The following PASK variants were observed in gnomAD, a reference collection of about 807,000 sequenced individuals.
The protein encoded by PASK is PAS domain containing serine/threonine kinase, also known as PAS domain-containing serine/threonine-protein kinase.
A neutral mutation model predicts 121.0 loss-of-function variants in PASK; 110 were observed. The observed-to-expected ratio is 0.91, with a 90% CI of 0.78 to 1.06. The LOEUF is 1.06. PASK is among the 50% of genes least tolerant of loss of function. The pLI, the probability that PASK is intolerant of heterozygous loss-of-function variation, is 0.00. For missense variants in PASK, 1,643 were observed against 1,702.3 expected, an observed-to-expected ratio of 0.97 and a Z score of 0.61; for synonymous variants, 686 against 717.8, an observed-to-expected ratio of 0.96 and a Z score of 0.71.
chr2:241,140,535 C>G lies in PASK; in HGVS notation c.415G>C (p.Ala139Pro). ...NPNKAIFTVD[A>P]KTTEILVAND... The stretch of plus-strand genomic sequence containing the variant: ...GAAGCAAATACCTCTGTGGTCTTGG[C>G]ATCCACCGTGAAGATGGCCTTGTTA... Residue 139 changes from alanine to proline, a missense_variant, in exon 3 of 18, where the codon GCC becomes CCC. Transcript: ENST00000234040. The G allele has an allele frequency of 6.2e-7, 1 of 1,610,620 alleles. No homozygotes were observed. The highest frequency in any genetic ancestry group is 8.5e-7 in the Non-Finnish European group (1 of 1,177,190).
intron 11 of PASK, among the ~76,000 whole-genome samples, chr2:241,123,283 C>T (rs939885598): frequency 6.6e-5 from 10 of 151,332 alleles, no homozygotes; most frequent in Non-Finnish European, 8.8e-5. Flanking sequence ...TCACGCCATT[C>T]TCCTGCCTCA....
Position 241,106,633 on chromosome 2 carries a change from A to T in PASK, c.3905T>A (p.Val1302Asp), listed in dbSNP as rs749109586. The T allele has an allele frequency of 2.5e-6, 4 of 1,613,994 alleles. No homozygotes were observed. Among genetic ancestry groups the T allele is most frequent in the Admixed American group, 1.7e-5 (1 of 60,006 alleles). ...AQAQELCGGP[V>D]PGEAPNGQGC... is the part of the protein sequence containing the mutation. ...TTGGCCATTAGGAGCCTCGCCTGGA[A>T]CGGGGCCCCCACAAAGCTCCTGAGC... Residue 1302 changes from valine to aspartate, a missense_variant, in exon 18 of 18, where the codon GTT becomes GAT. Val to Asp is a radical substitution (Grantham distance 152). This residue lies in a region of PASK where 453 missense variants were observed against 511.2 expected (regional missense o/e 0.89). Coordinates refer to ENST00000234040, the MANE Select transcript of PASK (RefSeq NM_015148.4).
In PASK at chr2:241,132,876, T is replaced by A; in HGVS notation, c.1461A>T (p.Pro487=). 6.2e-7 allele frequency: 1 copy of A among 1,613,718 alleles called. No homozygotes were observed. The highest frequency in any genetic ancestry group is 8.5e-7 in the Non-Finnish European group (1 of 1,179,604). Residue 487 remains proline, a splice_region_variant and synonymous_variant, in exon 9 of 18, where the codon CCA becomes CCT. Transcript: ENST00000234040. ...CAACCTCCCACCAAGGGACTTACCC[T>A]GGAGCAGGCTGAGGTGAGAGGCAGG... ...LLSCLSPQPA[P]GVDNVPEGSL...
Position 241,111,774 on chromosome 2 carries a change from G to A in PASK, c.3533+466C>T, listed in dbSNP as rs115614616. Among the ~76,000 whole-genome samples, 902 of 152,300 alleles carry A rather than the reference G, an allele frequency of 5.9e-3. 9 individuals carry two copies. Among genetic ancestry groups the A allele is most frequent in the African/African-American group, 0.02 (840 of 41,548 alleles). ...GTGACATGGAGTCTGGCTGGTCAGC[G>A]ACAGCCCCTCCAGCCAAGGGCTCCA... On this transcript the variant is annotated intron_variant, in intron 15 of 17. Coordinates refer to ENST00000234040, the MANE Select transcript of PASK (RefSeq NM_015148.4).
In PASK at chr2:241,138,098, A is replaced by T; in HGVS notation, c.742-11T>A. On this transcript the variant is annotated splice_polypyrimidine_tract_variant and intron_variant, in intron 5 of 17. Coordinates refer to ENST00000234040, the MANE Select transcript of PASK (RefSeq NM_015148.4). ...TGACGTGACGGTGCCCTGGAGGAAA[A>T]GCCCCGTGCTTATCATAAAAGCTTC... The T allele has an allele frequency of 6.2e-7, 1 of 1,613,798 alleles. No individual in the cohort carries two copies. Among genetic ancestry groups the T allele is most frequent in the Non-Finnish European group, 8.5e-7 (1 of 1,179,832 alleles).
chr2:241,112,162 T>C lies in PASK; in HGVS notation c.3533+78A>G. On this transcript the variant is annotated intron_variant, in intron 15 of 17. Transcript: ENST00000234040. This position sits in a 1 kb window ranked among gnomAD's most constrained non-coding sequence, Gnocchi z 5.2. Reference sequence around the variant, plus strand: ...ACAAAGAGGCACAAAGGAAGCCATTTTCCCACCCAAAATCAAGCCACCCTC... The same window carrying C: ...ACAAAGAGGCACAAAGGAAGCCATTCTCCCACCCAAAATCAAGCCACCCTC... 1 of 1,114,474 alleles carries C rather than the reference T, an allele frequency of 9.0e-7. No homozygotes were observed. Among genetic ancestry groups the C allele is most frequent in the Non-Finnish European group, 1.4e-6 (1 of 727,292 alleles). The allele number at this position is 1,114,474 out of a possible 1,614,324, so 69.0% of individuals were successfully genotyped here.
At chr2:241,136,849 G>A (rs1308824143) in intron 7 of PASK, among the ~76,000 whole-genome samples, 155 bp downstream of exon 7, 1 of 152,234 alleles carries the variant, frequency 6.6e-6, no homozygotes, top group Non-Finnish European at 1.5e-5. Flanking sequence ...GCCATGAGCA[G>A]GGACCTCCCT....
chr2:241,143,712 T>A (rs981115459), intron 1 of PASK, among the ~76,000 whole-genome samples: 12 of 152,180 alleles, frequency 7.9e-5, no homozygotes, highest in African/African-American at 2.6e-4. Flanking sequence ...TACTCCCAGG[T>A]CATGATGAAC....
chr2:241,108,040 A>G lies in PASK; in HGVS notation c.3667+127T>C. The G allele has an allele frequency of 1.1e-6, 1 of 932,874 alleles. No individual in the cohort carries two copies. The highest frequency in any genetic ancestry group is 1.8e-6 in the Non-Finnish European group (1 of 568,846). The allele number at this position is 932,874 out of a possible 1,614,324, so 57.8% of individuals were successfully genotyped here. Reference sequence around the variant, plus strand: ...AAGTCATATGCAAATTATTTGATGAATAGAAAAGAAACAAATGAGACTGTT... The same window carrying G: ...AAGTCATATGCAAATTATTTGATGAGTAGAAAAGAAACAAATGAGACTGTT... On this transcript the variant is annotated intron_variant, in intron 16 of 17. Transcript: ENST00000234040. The surrounding 1 kb of genome is among the most constrained non-coding windows in gnomAD (Gnocchi z 5.2).
At chr2:241,141,351 A>G (rs1001670608) in intron 2 of PASK, among the ~76,000 whole-genome samples, 12 of 152,144 alleles carry the variant, frequency 7.9e-5, no homozygotes, top group African/African-American at 2.9e-4. Context: ...TCTGTCAGTC[A>G]TTCCAAGACC....
chr2:241,108,591 G>C lies in PASK; in HGVS notation c.3534-291C>G, dbSNP rs540865300. On this transcript the variant is annotated intron_variant, in intron 15 of 17. Transcript: ENST00000234040. This position sits in a 1 kb window ranked among gnomAD's most constrained non-coding sequence, Gnocchi z 5.2. ...AGACGTGTCTACCAGAGGGGGGAGC[G>C]GGGGGAGGGCTTCCTGGAGGAAGCA... 14 of 479,054 alleles carry C rather than the reference G, an allele frequency of 2.9e-5. No homozygotes were observed. Among genetic ancestry groups the C allele is most frequent in the African/African-American group, 7.9e-5 (4 of 50,892 alleles). 29.7% of individuals were successfully genotyped at this position (479,054 alleles called of 1,614,324 possible). A position where few individuals can be genotyped will look rare whatever the true frequency, so the allele number is the denominator to read the frequency against.
Position 241,108,569 on chromosome 2 carries a change from C to T in PASK, c.3534-269G>A, listed in dbSNP as rs1575216728. On this transcript the variant is annotated intron_variant, in intron 15 of 17. Coordinates refer to ENST00000234040, the MANE Select transcript of PASK (RefSeq NM_015148.4). This position sits in a 1 kb window ranked among gnomAD's most constrained non-coding sequence, Gnocchi z 5.2. ...TTCCTTGTGGACACCAACCACAAGA[C>T]GTGTCTACCAGAGGGGGGAGCGGGG... is the stretch of plus-strand genomic sequence containing the variant. The T allele has an allele frequency of 1.3e-5, 7 of 525,486 alleles. No homozygotes were observed. The highest frequency in any genetic ancestry group is 3.9e-5 in the South Asian group (2 of 50,828). 32.6% of individuals were successfully genotyped at this position (525,486 alleles called of 1,614,324 possible).
At chr2:241,114,739 A>C in intron 14 of PASK, 1 of 1,380,008 alleles carries the variant, frequency 7.2e-7, no homozygotes, top group Non-Finnish European at 9.3e-7. Flanking sequence ...CCTAACCCTT[A>C]CTGGTTAATT....
rs150637129 is a variant in PASK at position 241,106,144 on chromosome 2, GAAATA to G, written c.*417_*421del. 1,791 of 225,196 alleles carry G rather than the reference GAAATA, an allele frequency of 8.0e-3. 41 individuals are homozygous for G. The highest frequency in any genetic ancestry group is 0.039 in the African/African-American group (1,689 of 42,770). The allele number at this position is 225,196 out of a possible 1,614,324, so 13.9% of individuals were successfully genotyped here. A position where few individuals can be genotyped will look rare whatever the true frequency, so the allele number is the denominator to read the frequency against. On this transcript the variant is annotated 3_prime_UTR_variant, in exon 18 of 18. Coordinates refer to ENST00000234040, the MANE Select transcript of PASK (RefSeq NM_015148.4). ...TGCTTTAATTTGAAAAGCATTTGAGGAAATAAATTAATGAAATAGTCTGGCCATTT... is the reference window on the plus strand; with the variant it reads ...TGCTTTAATTTGAAAAGCATTTGAGGAATTAATGAAATAGTCTGGCCATTT...
intron 12 of PASK, 67 bp downstream of exon 12, chr2:241,122,665 T>TG: frequency 1.1e-5 from 17 of 1,486,608 alleles, no homozygotes; most frequent in Non-Finnish European, 1.6e-5. Flanking sequence ...GTTTGAGAAC[T>TG]GGGACCAAAA....
At position 241,135,928 on chromosome 2, in the gene PASK, A is replaced by G; in HGVS notation, c.1249T>C (p.Cys417Arg). Residue 417 changes from cysteine to arginine, a missense_variant, in exon 8 of 18, where the codon TGT (cysteine) becomes CGT (arginine). Cys to Arg is a radical substitution (Grantham distance 180). Transcript: ENST00000234040. ...CACGGGTCCAAGGTTCTCTCCCCAC[A>G]CCCACTCTCATTGCCGACGTCCAGG... The part of the protein sequence containing the change: ...SCLDVGNESG[C>R]GERTLDPWQG... The G allele has an allele frequency of 3.2e-5, 51 of 1,614,036 alleles. No individual in the cohort carries two copies. Among genetic ancestry groups the G allele is most frequent in the Non-Finnish European group, 4.3e-5 (51 of 1,180,014 alleles).
chr2:241,120,012 G>C (rs2065538122), intron 12 of PASK, among the ~76,000 whole-genome samples: 1 of 151,736 alleles, frequency 6.6e-6, no homozygotes, highest in African/African-American at 2.4e-5. Context: ...CAATCAATGT[G>C]AGAAAATAAA....
At chr2:241,143,271 G>A (rs749867425) in intron 1 of PASK, among the ~76,000 whole-genome samples, 197 bp from the exon 2 acceptor site, 6 of 152,162 alleles carry the variant, frequency 3.9e-5, no homozygotes, top group Admixed American at 1.3e-4. Flanking sequence ...GGCCAGGCAC[G>A]GTGGCGCACG....
At chr2:241,117,721 C>T (rs1211410660) in intron 12 of PASK, among the ~76,000 whole-genome samples, 2 of 152,076 alleles carry the variant, frequency 1.3e-5, no homozygotes, top group African/African-American at 4.8e-5. Context: ...AAATTCACTT[C>T]AAAATAATGC....
Sources: allele counts gnomAD v4.1 joint callset (sites outside exome capture counted in the v4.1 genomes callset), GRCh38; gene constraint gnomAD v4.1.1; regional missense constraint gnomAD v4.1.1; non-coding constraint Gnocchi (gnomAD v3.1); transcripts MANE v1.5; gene names NCBI Gene and HGNC (gene_info 2026-07-23, HGNC 2026-07-21).